The following MANBA variants were observed in gnomAD, a reference collection of about 807,000 sequenced individuals.
MANBA encodes beta-mannosidase.
A neutral mutation model predicts 111.1 loss-of-function variants in MANBA; 83 were observed. The ratio of observed to expected loss-of-function variants is 0.75; its 90% CI spans 0.63 to 0.90. The LOEUF (loss-of-function observed/expected upper bound fraction) is 0.90. Ranked by LOEUF, MANBA falls within the 40% of genes least tolerant of loss-of-function variation. The pLI, the probability that MANBA is intolerant of heterozygous loss-of-function variation, is 0.00. For synonymous variants in MANBA, 370 were observed against 378.7 expected, an observed-to-expected ratio of 0.98 and a Z score of 0.27; for missense variants, 1,036 against 1,069.0, an observed-to-expected ratio of 0.97 and a Z score of 0.43.
At chr4:102,757,771 A>C (rs1461793600) in intron 1 of MANBA, among the ~76,000 whole-genome samples, 3 of 152,186 alleles carry the variant, frequency 2.0e-5, no homozygotes, top group African/African-American at 7.2e-5. Flanking sequence ...AGGCAAATCT[A>C]ATCATGCTAC....
chr4:102,724,023 G>A, intron 2 of MANBA, 56 bp from the exon 3 acceptor site: 1 of 937,404 alleles, frequency 1.1e-6, no homozygotes, highest in Non-Finnish European at 1.7e-6. Context: ...ACTTAGATAA[G>A]TCTCTTTTTT....
chr4:102,689,524 T>A (rs369258396), intron 7 of MANBA, 50 bp downstream of exon 7: 30 of 1,232,386 alleles, frequency 2.4e-5, no homozygotes, highest in Non-Finnish European at 3.3e-5. Context: ...TATTACTATT[T>A]TTAAAAGAAA....
At chr4:102,758,612 G>A (rs1438480912) in intron 1 of MANBA, among the ~76,000 whole-genome samples, 4 of 149,814 alleles carry the variant, frequency 2.7e-5, no homozygotes, top group Non-Finnish European at 5.9e-5. Flanking sequence ...TACAGATCAC[G>A]GCTCACTGCA....
At chr4:102,697,391 A>G (rs1732768458) in intron 5 of MANBA, among the ~76,000 whole-genome samples, 1 of 152,026 alleles carries the variant, frequency 6.6e-6, no homozygotes, top group African/African-American at 2.4e-5. Flanking sequence ...GTTTTAGGGT[A>G]CATGTGCACA....
chr4:102,754,001 T>TAA (rs1560816693), intron 1 of MANBA: 2 of 168,590 alleles, frequency 1.2e-5, no homozygotes, highest in Non-Finnish European at 2.1e-5. Context: ...AGACTCTGTC[T>TAA]CAAAAAAAAA....
At chr4:102,665,025 T>C (rs1199765124) in intron 10 of MANBA, 173 bp from the exon 11 acceptor site, 1 of 596,694 alleles carries the variant, frequency 1.7e-6, no homozygotes, top group Non-Finnish European at 3.0e-6. Context: ...TTTTAAGAAA[T>C]CTCTGAGATT....
chr4:102,675,726 C>T (rs59021138), intron 7 of MANBA, among the ~76,000 whole-genome samples: 8,041 of 151,592 alleles, frequency 0.053, 660 homozygotes, highest in African/African-American at 0.18. Flanking sequence ...TACTTTTTTC[C>T]AATTTAGGGA....
At chr4:102,651,120 C>A (rs1029279874) in intron 12 of MANBA, among the ~76,000 whole-genome samples, 6 of 151,798 alleles carry the variant, frequency 4.0e-5, no homozygotes, top group Admixed American at 1.3e-4. Context: ...AAAACTGTCA[C>A]AATTCTTAAA....
At chr4:102,750,310 G>GTT (rs551969460) in intron 1 of MANBA, among the ~76,000 whole-genome samples, 2 of 146,920 alleles carry the variant, frequency 1.4e-5, no homozygotes, top group Non-Finnish European at 1.5e-5. Context: ...TATTTCCTTA[G>GTT]TTTTTTTTTT....
rs1729397766 is a variant in MANBA at position 102,632,013 on chromosome 4, A to G, written c.*44T>C. 6.7e-7 allele frequency: 1 copy of G among 1,487,260 alleles called. No homozygotes were observed. 92.1% of individuals were successfully genotyped at this position (1,487,260 alleles called of 1,614,324 possible). The stretch of plus-strand genomic sequence containing the variant: ...TTCCTCTCCAGTCGGTGCTTTAGAA[A>G]TGCTTTATTCCCATTGTCCACTGAA... On this transcript the variant is annotated 3_prime_UTR_variant, in exon 17 of 17. Coordinates refer to ENST00000647097, the MANE Select transcript of MANBA (RefSeq NM_005908.4).
At chr4:102,737,576 G>A (rs765021961) in intron 1 of MANBA, among the ~76,000 whole-genome samples, 14 of 152,058 alleles carry the variant, frequency 9.2e-5, no homozygotes, top group Non-Finnish European at 1.6e-4. Flanking sequence ...TCCGCCTCCC[G>A]GGTTCACACC....
In MANBA at chr4:102,650,687, C is replaced by G. The variant is rs1730295717; in HGVS notation, c.1719G>C (p.Glu573Asp). ...AAAACTTGCTATTGAAAGACCAGTC[C>G]TCTGTAGACGAGACCTTTCAAATAA... The part of the protein sequence containing the change: ...FSTLEKVSST[E>D]DWSFNSKFSL... Residue 573 changes from glutamate (E) to aspartate (D), a missense_variant, in exon 13 of 17, where the codon GAG (glutamate) becomes GAC (aspartate). Physicochemically the swap from Glu to Asp is conservative, Grantham distance 45 (BLOSUM62 2). Transcript: ENST00000647097. 3 of 1,612,550 alleles carry G rather than the reference C, an allele frequency of 1.9e-6. No individual in the cohort carries two copies. Among genetic ancestry groups the G allele is most frequent in the Admixed American group, 1.7e-5 (1 of 59,948 alleles).
intron 5 of MANBA, among the ~76,000 whole-genome samples, chr4:102,702,524 G>GATGGGTTTT (rs1322742674): frequency 6.6e-6 from 1 of 152,116 alleles, no homozygotes; most frequent in East Asian, 1.9e-4. Context: ...GTGATGTACA[G>GATGGGTTTT]ATGGGTTTTT....
intron 1 of MANBA, among the ~76,000 whole-genome samples, chr4:102,737,658 A>G (rs1436078438): frequency 6.6e-6 from 1 of 151,734 alleles, no homozygotes; most frequent in Non-Finnish European, 1.5e-5. Context: ...AATTTTTTGT[A>G]TTTTTAGTAG....
At position 102,706,803 on chromosome 4, in the gene MANBA, A is replaced by C. The variant is rs143374662; in HGVS notation, c.673+7635T>G. Among the ~76,000 whole-genome samples the C allele has an allele frequency of 5.9e-5, 9 of 152,316 alleles. No individual in the cohort carries two copies. The East Asian group carries it at 1.2e-3, about 20-fold the overall frequency. Reference sequence around the variant, plus strand: ...CTGGAACTGAAGAATCTAGTTATTCAACAATAATTAGAGAAAGCAGAAGAA... The same window carrying C: ...CTGGAACTGAAGAATCTAGTTATTCCACAATAATTAGAGAAAGCAGAAGAA... On this transcript the variant is annotated intron_variant, in intron 5 of 16. Transcript: ENST00000647097.
intron 1 of MANBA, among the ~76,000 whole-genome samples, chr4:102,747,235 G>A (rs562501882): frequency 2.1e-4 from 32 of 152,046 alleles, no homozygotes; most frequent in African/African-American, 6.5e-4. Flanking sequence ...CACGCCATCT[G>A]CAAGCTGAGA....
intron 5 of MANBA, among the ~76,000 whole-genome samples, chr4:102,695,853 A>T (rs1352960823): frequency 6.6e-6 from 1 of 152,198 alleles, no homozygotes; most frequent in Admixed American, 6.5e-5. Flanking sequence ...CCAAATGTCG[A>T]ATATATTCAA....
At chr4:102,699,051 T>G (rs942907241) in intron 5 of MANBA, among the ~76,000 whole-genome samples, 12 of 151,904 alleles carry the variant, frequency 7.9e-5, no homozygotes, top group Non-Finnish European at 1.5e-4. Flanking sequence ...GGTTTGTAGT[T>G]CTCCTTGAAG....
At chr4:102,726,756 T>A (rs1344208810) in intron 1 of MANBA, 73 bp from the exon 2 acceptor site, 17 of 809,280 alleles carry the variant, frequency 2.1e-5, no homozygotes, top group African/African-American at 3.4e-5. Flanking sequence ...AAACATAAAA[T>A]AAATTATTAA....
Sources: allele counts gnomAD v4.1 joint callset (sites outside exome capture counted in the v4.1 genomes callset), GRCh38; gene constraint gnomAD v4.1.1; transcripts MANE v1.5; gene names NCBI Gene and HGNC (gene_info 2026-07-23, HGNC 2026-07-21).